Variants in RNGTT observed in about 807,000 individuals in gnomAD.
The protein encoded by RNGTT is mRNA-capping enzyme.
RNGTT carries 33 observed loss-of-function variants against 79.3 expected under a neutral mutation model. That is an observed-to-expected ratio of 0.42 (90% CI 0.32 to 0.56). The LOEUF (loss-of-function observed/expected upper bound fraction) is 0.56. RNGTT is among the 20% of genes least tolerant of loss of function. RNGTT has a pLI of 0.17. For missense variants in RNGTT, 497 were observed against 739.1 expected, an observed-to-expected ratio of 0.67 and a Z score of 3.80; for synonymous variants, 222 against 235.9, an observed-to-expected ratio of 0.94 and a Z score of 0.54.
chr6:88,803,059 C>G (rs907311345), intron 11 of RNGTT, among the ~76,000 whole-genome samples: 2 of 152,204 alleles, frequency 1.3e-5, no homozygotes, highest in African/African-American at 4.8e-5. Context: ...ATTTCACTTG[C>G]AACAAAAATC....
chr6:88,905,027 T>C, intron 5 of RNGTT, 72 bp from the exon 6 acceptor site: 1 of 1,548,774 alleles, frequency 6.5e-7, no homozygotes, highest in Middle Eastern at 1.7e-4. Flanking sequence ...AACTCACTTA[T>C]TATATTCAAG....
At chr6:88,654,912 A>T (rs1000714634) in intron 14 of RNGTT, among the ~76,000 whole-genome samples, 1 of 152,350 alleles carries the variant, frequency 6.6e-6, no homozygotes, top group East Asian at 1.9e-4. Context: ...ACTTCAGCTC[A>T]CATTACATGT....
intron 13 of RNGTT, among the ~76,000 whole-genome samples, chr6:88,698,260 A>AAATATATATATGATATATGTTTCAT (rs1562202296): frequency 1.0e-5 from 1 of 95,428 alleles, no homozygotes; most frequent in African/African-American, 9.2e-5. Flanking sequence ...TATATATATA[A>AAATATATATATGATATATGTTTCAT]ATATATATGA....
intron 2 of RNGTT, among the ~76,000 whole-genome samples, chr6:88,933,720 C>T (rs1231940948): frequency 6.6e-6 from 1 of 152,118 alleles, no homozygotes; most frequent in African/African-American, 2.4e-5. Flanking sequence ...ACTCAAGTTC[C>T]ACCCATGTGC....
chr6:88,919,984 G>A (rs1048938758), intron 4 of RNGTT, among the ~76,000 whole-genome samples: 15 of 152,056 alleles, frequency 9.9e-5, no homozygotes, highest in African/African-American at 2.9e-4. Flanking sequence ...CCACTGCACC[G>A]AGGATTCAGT....
intron 13 of RNGTT, among the ~76,000 whole-genome samples, chr6:88,749,592 T>TA (rs1434114503): frequency 1.3e-5 from 2 of 152,144 alleles, no homozygotes; most frequent in Non-Finnish European, 2.9e-5. Context: ...TAATTAAGTG[T>TA]AAATGGATGA....
At chr6:88,653,388 C>T (rs1773865531) in intron 14 of RNGTT, among the ~76,000 whole-genome samples, 1 of 152,102 alleles carries the variant, frequency 6.6e-6, no homozygotes, top group African/African-American at 2.4e-5. Context: ...CAGTTTTCTA[C>T]AAAATGTCTA....
intron 13 of RNGTT, among the ~76,000 whole-genome samples, chr6:88,742,407 T>C (rs145219852): frequency 2.0e-5 from 3 of 152,342 alleles, no homozygotes; most frequent in African/African-American, 7.2e-5. Flanking sequence ...TCATATCATA[T>C]CTGTTTCAAA....
chr6:88,724,045 C>T lies in RNGTT; in HGVS notation c.1440-45626G>A, dbSNP rs750183430. Among the ~76,000 whole-genome samples the T allele has an allele frequency of 3.3e-5, 5 of 152,088 alleles. No homozygotes were observed. In the South Asian group the frequency reaches 1.0e-3, roughly 32 times the overall value. On this transcript the variant is annotated intron_variant, in intron 13 of 15. Transcript: ENST00000369485. ...CAGCCGTGTTTGGGTTTTAACCTAA[C>T]TCTTTTTACAAAAGAGTCAAAAGGT...
intron 4 of RNGTT, among the ~76,000 whole-genome samples, chr6:88,923,004 A>G (rs1003493324): frequency 1.3e-5 from 2 of 152,212 alleles, no homozygotes; most frequent in Admixed American, 1.3e-4. Flanking sequence ...TATCTCCCAT[A>G]TGTCTTGTAA....
At chr6:88,795,828 G>A (rs1233968455) in intron 12 of RNGTT, among the ~76,000 whole-genome samples, 1 of 152,082 alleles carries the variant, frequency 6.6e-6, no homozygotes, top group Non-Finnish European at 1.5e-5. Context: ...ATTTGGAAGG[G>A]GAAGGAGTGT....
chr6:88,882,262 T>G (rs932919747), intron 8 of RNGTT, among the ~76,000 whole-genome samples: 5 of 152,206 alleles, frequency 3.3e-5, no homozygotes, highest in African/African-American at 1.2e-4. Context: ...TTTAATCAAC[T>G]GGGAATTTAT....
intron 14 of RNGTT, among the ~76,000 whole-genome samples, chr6:88,646,132 C>G (rs1396193893): frequency 2.0e-5 from 3 of 152,112 alleles, no homozygotes; most frequent in Non-Finnish European, 2.9e-5. Flanking sequence ...CTACAAAGAA[C>G]TCAAACAAAT....
chr6:88,713,952 A>G (rs989006629), intron 13 of RNGTT, among the ~76,000 whole-genome samples: 1 of 152,200 alleles, frequency 6.6e-6, no homozygotes, highest in Admixed American at 6.5e-5. Context: ...GGCACGGTCT[A>G]TTGGGCTAAG....
intron 14 of RNGTT, among the ~76,000 whole-genome samples, chr6:88,639,200 G>A (rs895535232): frequency 2.0e-5 from 3 of 152,046 alleles, no homozygotes; most frequent in East Asian, 1.9e-4. Flanking sequence ...TCTAAAGCAT[G>A]TGACACTATT....
chr6:88,698,269 GATATATATATTTCATATATATC>G (rs1312451148), intron 13 of RNGTT, among the ~76,000 whole-genome samples: 3 of 77,162 alleles, frequency 3.9e-5, no homozygotes, highest in Non-Finnish European at 4.2e-5. Context: ...AAATATATAT[GATATATATATTTCATATATATC>G]ATATATATAT....
Position 88,638,863 on chromosome 6 carries a change from A to G in RNGTT, c.1507-24468T>C, listed in dbSNP as rs544320318. 1.3e-4 allele frequency among the ~76,000 whole-genome samples: 20 copies of G among 152,262 alleles called. No individual in the cohort carries two copies. In the South Asian group the frequency reaches 4.1e-3, roughly 32 times the overall value. On this transcript the variant is annotated intron_variant, in intron 14 of 15. Transcript: ENST00000369485. ...TGCCACACAATAACTGTTTTCTCTC[A>G]AGACAGAAATGTAAGCAACATTTGA...
intron 1 of RNGTT, among the ~76,000 whole-genome samples, chr6:88,950,053 T>C (rs1293326630): frequency 6.7e-6 from 1 of 149,940 alleles, no homozygotes; most frequent in African/African-American, 2.4e-5. Flanking sequence ...ATTCTGAAAA[T>C]ACTAGGGCCC....
At chr6:88,877,920 G>A (rs1014090486) in intron 8 of RNGTT, among the ~76,000 whole-genome samples, 1 of 151,988 alleles carries the variant, frequency 6.6e-6, no homozygotes, top group African/African-American at 2.4e-5. Flanking sequence ...AACAGGGCTG[G>A]GGTCTTTAAA....
Sources: allele counts gnomAD v4.1 joint callset (sites outside exome capture counted in the v4.1 genomes callset), GRCh38; gene constraint gnomAD v4.1.1; transcripts MANE v1.5; gene names NCBI Gene and HGNC (gene_info 2026-07-23, HGNC 2026-07-21).